The following ACBD6 variants were observed in gnomAD, a reference collection of about 807,000 sequenced individuals.
The protein encoded by ACBD6 is acyl-CoA-binding domain-containing protein 6.
ACBD6 carries 28 observed loss-of-function variants against 37.2 expected under a neutral mutation model. That is an observed-to-expected ratio of 0.75 (90% CI 0.56 to 1.03). The LOEUF is 1.03. Ranked by LOEUF, ACBD6 falls within the 50% of genes least tolerant of loss-of-function variation. The pLI, the probability that ACBD6 is intolerant of heterozygous loss-of-function variation, is 0.00. For missense variants in ACBD6, 340 were observed against 337.4 expected, an observed-to-expected ratio of 1.01 and a Z score of -0.06; for synonymous variants, 113 against 126.8, an observed-to-expected ratio of 0.89 and a Z score of 0.73.
intron 9 of ACBD6, chr1:180,276,269 T>G (rs2149270275): frequency 6.6e-6 from 1 of 152,360 alleles, no homozygotes. Flanking sequence ...ATAGGCAGAC[T>G]AAAGGAAGAA....
chr1:180,283,927 A>T (rs139336837), downstream of ACBD6, among the ~76,000 whole-genome samples: 703 of 152,300 alleles, frequency 4.6e-3, 19 homozygotes, highest in Admixed American at 0.031. Flanking sequence ...AATTAAAAAA[A>T]ACACCCAAAA....
At chr1:180,421,594 T>C (rs1240999765) in intron 4 of ACBD6, among the ~76,000 whole-genome samples, 2 of 152,328 alleles carry the variant, frequency 1.3e-5, no homozygotes, top group East Asian at 3.9e-4. Context: ...CCACAATGGT[T>C]GAACCAATTT....
chr1:180,381,567 T>C (rs1396702309), intron 6 of ACBD6, among the ~76,000 whole-genome samples: 1 of 152,038 alleles, frequency 6.6e-6, no homozygotes, highest in Non-Finnish European at 1.5e-5. Context: ...AACAGGAACT[T>C]TGGAAACTGT....
At chr1:180,331,578 G>GT (rs1651481211) in intron 6 of ACBD6, among the ~76,000 whole-genome samples, 1 of 151,976 alleles carries the variant, frequency 6.6e-6, no homozygotes, top group Admixed American at 6.6e-5. Context: ...TTCTTTTTAC[G>GT]TAAGTATACC....
At chr1:180,498,084 T>C (rs893525670) in intron 1 of ACBD6, among the ~76,000 whole-genome samples, 11 of 152,230 alleles carry the variant, frequency 7.2e-5, no homozygotes, top group African/African-American at 2.7e-4. Flanking sequence ...TTAGAAAATA[T>C]GGTTTACTGA....
At chr1:180,331,819 G>A (rs1468837276) in intron 6 of ACBD6, among the ~76,000 whole-genome samples, 2 of 152,102 alleles carry the variant, frequency 1.3e-5, no homozygotes, top group East Asian at 3.8e-4. Flanking sequence ...ATGTCATTTG[G>A]CTCTATTACC....
At chr1:180,372,538 A>T (rs1653298860) in intron 6 of ACBD6, among the ~76,000 whole-genome samples, 1 of 152,162 alleles carries the variant, frequency 6.6e-6, no homozygotes, top group African/African-American at 2.4e-5. Context: ...TTTCTCCCAT[A>T]AAGCAATTCT....
intron 3 of ACBD6, among the ~76,000 whole-genome samples, chr1:180,440,584 C>A (rs1649240715): frequency 3.3e-5 from 5 of 151,946 alleles, no homozygotes; most frequent in Admixed American, 3.3e-4. Flanking sequence ...CTTGAACCCA[C>A]TAAGCAGTCA....
chr1:180,334,237 T>C (rs751216242), intron 6 of ACBD6, among the ~76,000 whole-genome samples: 40 of 152,236 alleles, frequency 2.6e-4, no homozygotes, highest in Non-Finnish European at 3.4e-4. Context: ...TCCCTGACCC[T>C]CGAGTAGCCT....
intron 6 of ACBD6, among the ~76,000 whole-genome samples, chr1:180,323,142 A>G (rs1651136692): frequency 6.6e-6 from 1 of 151,948 alleles, no homozygotes; most frequent in Admixed American, 6.6e-5. Flanking sequence ...TTTAATTTCC[A>G]TGTCTCTGTA....
chr1:180,323,520 G>T (rs922650125), intron 6 of ACBD6, among the ~76,000 whole-genome samples: 7 of 152,004 alleles, frequency 4.6e-5, no homozygotes, highest in Non-Finnish European at 7.4e-5. Context: ...AGCTACTATT[G>T]TATTGGGGTC....
intron 3 of ACBD6, among the ~76,000 whole-genome samples, chr1:180,431,157 G>GTTT (rs145543153): frequency 6.8e-6 from 1 of 147,828 alleles, no homozygotes. Flanking sequence ...TACGAGTTTT[G>GTTT]TTTTGTTTTT....
chr1:180,415,441 T>C (rs1160395665), intron 4 of ACBD6, among the ~76,000 whole-genome samples: 2 of 151,492 alleles, frequency 1.3e-5, no homozygotes, highest in East Asian at 1.9e-4. Context: ...ACCATGTCTA[T>C]GAAAGAATAC....
chr1:180,281,148 T>C (rs1571311905), intron 9 of ACBD6, among the ~76,000 whole-genome samples: 1 of 152,200 alleles, frequency 6.6e-6, no homozygotes, highest in African/African-American at 2.4e-5. Context: ...AGAGAAGATC[T>C]GGTCCCCGCA....
Position 180,495,546 on chromosome 1 carries a change from C to A in ACBD6, c.223-21G>T, listed in dbSNP as rs369393620. On this transcript the variant is annotated intron_variant, in intron 1 of 7. Coordinates refer to ENST00000367595, the MANE Select transcript of ACBD6 (RefSeq NM_032360.4). ...TTGACCTAAATGAGGGAAGGAAAAT[C>A]AAGAACTTATTTTTCAAAGAAATGT... The A allele has an allele frequency of 5.1e-6, 8 of 1,565,938 alleles. No individual in the cohort carries two copies. The African/African-American group carries it at 1.1e-4, about 21-fold the overall frequency.
chr1:180,337,868 A>G (rs970698718), intron 6 of ACBD6, among the ~76,000 whole-genome samples: 2 of 152,218 alleles, frequency 1.3e-5, no homozygotes, highest in Non-Finnish European at 2.9e-5. Flanking sequence ...TAACAGACAA[A>G]CAGCCAAATC....
rs141945661 is a variant in ACBD6 at position 180,357,256 on chromosome 1, G to A, written c.663+40260C>T. ...TAGGTAATAGTAGCTATATTTCGTG[G>A]ATAAGGAAACTCAAGTTCAACAAGA... On this transcript the variant is annotated intron_variant, in intron 6 of 7. Coordinates refer to ENST00000367595, the MANE Select transcript of ACBD6 (RefSeq NM_032360.4). Among the ~76,000 whole-genome samples the A allele has an allele frequency of 8.7e-3, 1,327 of 152,292 alleles. 14 individuals carry two copies. The highest frequency in any genetic ancestry group is 0.028 in the African/African-American group (1,177 of 41,556).
chr1:180,309,599 T>C (rs766098196), intron 7 of ACBD6, among the ~76,000 whole-genome samples: 5 of 152,180 alleles, frequency 3.3e-5, no homozygotes, highest in African/African-American at 1.2e-4. Context: ...CAGCAGGGCA[T>C]GTGGGTGCAC....
At chr1:180,443,278 T>C (rs1444404569) in intron 3 of ACBD6, among the ~76,000 whole-genome samples, 1 of 152,188 alleles carries the variant, frequency 6.6e-6, no homozygotes, top group Non-Finnish European at 1.5e-5. Context: ...GCCCCACATA[T>C]TACATTTTCA....
Sources: gnomAD v4.1 joint callset for allele counts (sites outside exome capture counted in the v4.1 genomes callset) on GRCh38, gnomAD v4.1.1 for gene constraint, MANE v1.5 for transcripts, NCBI Gene and HGNC (gene_info 2026-07-23, HGNC 2026-07-21) for gene names.